Variants in RSU1 observed in about 807,000 individuals in gnomAD.
The protein encoded by RSU1 is rsu-1.
A neutral mutation model predicts 31.1 loss-of-function variants in RSU1; 26 were observed. That is an observed-to-expected ratio of 0.84 (90% CI 0.61 to 1.16). The LOEUF (loss-of-function observed/expected upper bound fraction) is 1.16. RSU1 is among the 50% of genes most tolerant of loss of function. RSU1 has a pLI of 0.00. For synonymous variants in RSU1, 164 were observed against 136.3 expected (o/e 1.20, Z -1.41); for missense variants, 320 against 339.1 (o/e 0.94, Z 0.44).
intron 8 of RSU1, among the ~76,000 whole-genome samples, chr10:16,655,906 A>C (rs1188899793): frequency 2.0e-5 from 3 of 152,144 alleles, no homozygotes; most frequent in African/African-American, 7.2e-5. Flanking sequence ...TATTTGCCTT[A>C]CTGCTGTGTT....
In RSU1 at chr10:16,817,374, C is replaced by T; in HGVS notation, c.-63G>A. 1 of 386,038 alleles carries T rather than the reference C, an allele frequency of 2.6e-6. No individual in the cohort carries two copies. Among genetic ancestry groups the T allele is most frequent in the South Asian group, 2.9e-5 (1 of 34,128 alleles). 23.9% of individuals were successfully genotyped at this position (386,038 alleles called of 1,614,324 possible). ...ACCACAAGCTTCGGCAGAACGCACT[C>T]CAGCTGCCCTCACTCCCTGCAACAC... On this transcript the variant is annotated 5_prime_UTR_variant, in exon 1 of 9. Coordinates refer to ENST00000345264, the MANE Select transcript of RSU1 (RefSeq NM_012425.4).
At chr10:16,741,334 G>A (rs773307972) in intron 7 of RSU1, among the ~76,000 whole-genome samples, 7 of 152,230 alleles carry the variant, frequency 4.6e-5, no homozygotes, top group Non-Finnish European at 5.9e-5. Context: ...AGATATAAAT[G>A]TAAGAGCCAA....
intron 2 of RSU1, among the ~76,000 whole-genome samples, chr10:16,805,277 A>G (rs2131675473): frequency 6.6e-6 from 1 of 152,332 alleles, no homozygotes; most frequent in Non-Finnish European, 1.5e-5. Context: ...CACCAATGCA[A>G]GATGTTAATA....
chr10:16,680,143 A>G (rs184790267), intron 8 of RSU1, among the ~76,000 whole-genome samples: 3 of 152,082 alleles, frequency 2.0e-5, no homozygotes, highest in Admixed American at 2.0e-4. Context: ...TCGCCTCCCA[A>G]AGTGCTGGGA....
In RSU1 at chr10:16,766,720, A is replaced by G. The variant is rs182511603; in HGVS notation, c.161-2210T>C. ...ACAAGAGTACAACTCTATCTCGAGA[A>G]GAGAAAAGATTGGCCTGGTGTGGTA... On this transcript the variant is annotated intron_variant, in intron 3 of 8. Transcript: ENST00000345264. Among the ~76,000 whole-genome samples the G allele has an allele frequency of 7.3e-3, 1,116 of 151,968 alleles. 6 individuals carry two copies. The highest frequency in any genetic ancestry group is 0.011 in the Non-Finnish European group (749 of 67,954).
At chr10:16,796,361 A>G (rs953873662) in intron 2 of RSU1, among the ~76,000 whole-genome samples, 1 of 152,068 alleles carries the variant, frequency 6.6e-6, no homozygotes, top group African/African-American at 2.4e-5. Context: ...GGGCCTCGCT[A>G]CGTCTTCACT....
intron 2 of RSU1, among the ~76,000 whole-genome samples, chr10:16,786,238 T>G (rs899977312): frequency 2.0e-5 from 3 of 152,342 alleles, no homozygotes; most frequent in African/African-American, 7.2e-5. Flanking sequence ...TTAGTTATAC[T>G]TGCATGGCTT....
intron 2 of RSU1, among the ~76,000 whole-genome samples, chr10:16,798,047 C>T (rs1041821891): frequency 1.3e-5 from 2 of 151,464 alleles, no homozygotes; most frequent in African/African-American, 4.8e-5. Context: ...TTTTTAGTAG[C>T]GACGGGGTTT....
At chr10:16,626,545 C>T (rs1834160914) in intron 8 of RSU1, among the ~76,000 whole-genome samples, 1 of 152,142 alleles carries the variant, frequency 6.6e-6, no homozygotes, top group African/African-American at 2.4e-5. Flanking sequence ...CAATGTTGGC[C>T]TGTCTGGATG....
intron 2 of RSU1, among the ~76,000 whole-genome samples, chr10:16,792,698 GCA>G (rs1372529312): frequency 1.3e-5 from 2 of 152,230 alleles, no homozygotes; most frequent in Non-Finnish European, 2.9e-5. Flanking sequence ...CGGCAGTTGT[GCA>G]CAGAGACAGC....
intron 8 of RSU1, among the ~76,000 whole-genome samples, chr10:16,666,595 A>C (rs747809947): frequency 6.6e-6 from 1 of 152,014 alleles, no homozygotes; most frequent in Non-Finnish European, 1.5e-5. Context: ...AAATAGTCCA[A>C]AACTATTATA....
chr10:16,691,299 T>G (rs540425699), intron 8 of RSU1, among the ~76,000 whole-genome samples: 4 of 152,152 alleles, frequency 2.6e-5, no homozygotes, highest in African/African-American at 9.6e-5. Flanking sequence ...AATACAGATC[T>G]ATTCATATAA....
chr10:16,767,062 C>T (rs1351424020), intron 3 of RSU1, among the ~76,000 whole-genome samples: 1 of 151,768 alleles, frequency 6.6e-6, no homozygotes, highest in Non-Finnish European at 1.5e-5. Flanking sequence ...CAGGCTGTGC[C>T]TTCTGGGTCA....
chr10:16,748,894 A>G (rs1836914481), intron 7 of RSU1, among the ~76,000 whole-genome samples: 1 of 141,604 alleles, frequency 7.1e-6, no homozygotes, highest in African/African-American at 3.0e-5. Context: ...TTAATACCAC[A>G]TATCTGTCAT....
chr10:16,778,907 G>A (rs1837596289), intron 3 of RSU1, among the ~76,000 whole-genome samples: 1 of 152,228 alleles, frequency 6.6e-6, no homozygotes, highest in Non-Finnish European at 1.5e-5. Flanking sequence ...TGCATCACAG[G>A]CAGGTGCTCA....
At chr10:16,727,874 G>T (rs888351037) in intron 7 of RSU1, among the ~76,000 whole-genome samples, 6 of 152,196 alleles carry the variant, frequency 3.9e-5, no homozygotes, top group African/African-American at 1.4e-4. Context: ...GCTGTGGGTA[G>T]CCGTGGGGGG....
chr10:16,771,336 G>C (rs1837421023), intron 3 of RSU1, among the ~76,000 whole-genome samples: 1 of 152,106 alleles, frequency 6.6e-6, no homozygotes, highest in Admixed American at 6.5e-5. Context: ...ATGAAGTAAG[G>C]GAGGAAAAAA....
Position 16,607,308 on chromosome 10 carries a change from A to T in RSU1, c.732-13812T>A, listed in dbSNP as rs75139582. On this transcript the variant is annotated intron_variant, in intron 8 of 8. Transcript: ENST00000345264. ...CCTCCTGCAGAACCATGAGCCAGTT[A>T]AACCTCTTCTATATAAATTACGCAG... Among the ~76,000 whole-genome samples the T allele has an allele frequency of 6.1e-3, 924 of 152,258 alleles. 23 individuals are homozygous for T. In the South Asian group the frequency reaches 0.07, roughly 11 times the overall value.
At chr10:16,784,828 C>T (rs1837736811) in intron 2 of RSU1, among the ~76,000 whole-genome samples, 1 of 152,130 alleles carries the variant, frequency 6.6e-6, no homozygotes, top group South Asian at 2.1e-4. Flanking sequence ...CAGGTCCGTC[C>T]CACGACATGT....
Sources: allele counts gnomAD v4.1 joint callset (sites outside exome capture counted in the v4.1 genomes callset), GRCh38; gene constraint gnomAD v4.1.1; transcripts MANE v1.5; gene names NCBI Gene and HGNC (gene_info 2026-07-23, HGNC 2026-07-21).